The following TOGARAM2 variants were observed in gnomAD, a reference collection of about 807,000 sequenced individuals.
TOGARAM2 encodes TOG array regulator of axonemal microtubules 2, also known as TOG array regulator of axonemal microtubules protein 2.
A neutral mutation model predicts 93.3 loss-of-function variants in TOGARAM2; 85 were observed. That is an observed-to-expected ratio of 0.91 (90% CI 0.76 to 1.09). The LOEUF (loss-of-function observed/expected upper bound fraction) is 1.09. Ranked by LOEUF, TOGARAM2 falls within the 50% of genes least tolerant of loss-of-function variation. The pLI is 0.00. For synonymous variants in TOGARAM2, 593 were observed against 552.8 expected, an observed-to-expected ratio of 1.07 and a Z score of -1.02; for missense variants, 1,277 against 1,334.5, an observed-to-expected ratio of 0.96 and a Z score of 0.67.
chr2:29,032,829 G>T (rs1479328998), intron 14 of TOGARAM2, 105 bp from the exon 15 acceptor site: 8 of 883,852 alleles, frequency 9.1e-6, no homozygotes, highest in South Asian at 1.8e-5. Flanking sequence ...ATTAGAAAAA[G>T]TATTAAAAAC....
intron 1 of TOGARAM2, among the ~76,000 whole-genome samples, chr2:28,982,924 C>T (rs1672274048): frequency 6.6e-6 from 1 of 152,008 alleles, no homozygotes; most frequent in African/African-American, 2.4e-5. Context: ...GTTAATCATG[C>T]TACTAATTTT....
rs1210544923 is a variant in TOGARAM2, at chr2:29,022,959, T to C, written c.1512-127T>C. Reference sequence around the variant, plus strand: ...CCCGGGAAACCCTGCTCTGAGGCCATGGAATGGCACCCTGCTGCGGGTGAC... The same window carrying C: ...CCCGGGAAACCCTGCTCTGAGGCCACGGAATGGCACCCTGCTGCGGGTGAC... On this transcript the variant is annotated intron_variant, in intron 11 of 19. Transcript: ENST00000379558. 5 of 739,892 alleles carry C rather than the reference T, an allele frequency of 6.8e-6. No individual in the cohort carries two copies. The East Asian group carries it at 1.5e-4, about 21-fold the overall frequency. The allele number at this position is 739,892 out of a possible 1,614,324, so 45.8% of individuals were successfully genotyped here. A position where few individuals can be genotyped will look rare whatever the true frequency, so the allele number is the denominator to read the frequency against.
intron 19 of TOGARAM2, chr2:29,051,458 ATTC>A (rs966835256): frequency 1.7e-4 from 41 of 234,356 alleles, no homozygotes; most frequent in South Asian, 1.5e-4. Flanking sequence ...ATTGTCAGAG[ATTC>A]TGCATATTTC....
At chr2:29,005,990 T>TGC in intron 6 of TOGARAM2, among the ~76,000 whole-genome samples, 1 of 125,310 alleles carries the variant, frequency 8.0e-6, no homozygotes, top group Non-Finnish European at 1.8e-5. Flanking sequence ...TGAGTGCATG[T>TGC]GTAGGGTGTG....
chr2:28,997,010 G>T (rs569757055), intron 2 of TOGARAM2, among the ~76,000 whole-genome samples: 1 of 152,196 alleles, frequency 6.6e-6, no homozygotes, highest in Non-Finnish European at 1.5e-5. Context: ...TAATAAACAT[G>T]AGAGTGCAGA....
chr2:29,036,671 T>C lies in TOGARAM2; in HGVS notation c.2549T>C (p.Ile850Thr), dbSNP rs770652074. Reference sequence around the variant, plus strand: ...CACCCCATGCTGCTCTCCATCATCATCACTGTTGCAGACAACCTCAACTCC... The same window carrying C: ...CACCCCATGCTGCTCTCCATCATCACCACTGTTGCAGACAACCTCAACTCC... ...SLHPMLLSIIITVADNLNSKN... is the reference protein window; with the variant it reads ...SLHPMLLSIITTVADNLNSKN... The change falls in exon 18 of 20, where the codon ATC (isoleucine) becomes ACC (threonine). Residue 850 changes from isoleucine to threonine, a missense_variant. Physicochemically the swap from Ile to Thr is moderately conservative, Grantham distance 89. Transcript: ENST00000379558. The C allele has an allele frequency of 1.9e-6, 3 of 1,613,898 alleles. No individual in the cohort carries two copies. The highest frequency in any genetic ancestry group is 2.5e-6 in the Non-Finnish European group (3 of 1,179,896).
intron 12 of TOGARAM2, among the ~76,000 whole-genome samples, chr2:29,023,557 G>C (rs558685583): frequency 6.6e-6 from 1 of 152,304 alleles, no homozygotes; most frequent in Admixed American, 6.5e-5. Flanking sequence ...CTGTGGCTTG[G>C]TCTAGCTGGG....
chr2:29,010,161 G>C (rs537466899), intron 6 of TOGARAM2, among the ~76,000 whole-genome samples: 2 of 152,100 alleles, frequency 1.3e-5, no homozygotes, highest in African/African-American at 4.8e-5. Context: ...CAGGCAGCCT[G>C]GGACCTCCAT....
Position 29,024,338 on chromosome 2 carries a change from C to G in TOGARAM2, c.1817C>G (p.Ala606Gly), listed in dbSNP as rs1216517743. The G allele has an allele frequency of 6.2e-7, 1 of 1,611,562 alleles. No individual in the cohort carries two copies. Among genetic ancestry groups the G allele is most frequent in the Admixed American group, 1.7e-5 (1 of 59,702 alleles). ...LRAMVENVTLARSLVVLTSAG... is the reference protein window; with the variant it reads ...LRAMVENVTLGRSLVVLTSAG... ...GCTATGGTGGAGAATGTGACCCTTG[C>G]CCGCTCCCTGGTGGTCCTCACCTCG... Residue 606 changes from alanine (A) to glycine (G), a missense_variant, in exon 13 of 20, where the codon GCC (alanine) becomes GGC (glycine). By Grantham distance (60) the Ala-to-Gly change is moderately conservative. Coordinates refer to ENST00000379558, the MANE Select transcript of TOGARAM2 (RefSeq NM_199280.4).
At chr2:29,042,889 C>T (rs7590816) in intron 18 of TOGARAM2, among the ~76,000 whole-genome samples, 16,060 of 152,268 alleles carry the variant, frequency 0.11, 923 homozygotes, top group East Asian at 0.14. Context: ...TCCCATGTTA[C>T]GACTGTGATA....
At chr2:29,038,004 G>C (rs542175925) in intron 18 of TOGARAM2, among the ~76,000 whole-genome samples, 2 of 152,168 alleles carry the variant, frequency 1.3e-5, no homozygotes, top group Non-Finnish European at 2.9e-5. Flanking sequence ...TCCCCCTCCA[G>C]GTGTTTTAGT....
At chr2:28,990,989 A>AGGGT (rs1672698029) in intron 1 of TOGARAM2, among the ~76,000 whole-genome samples, 1 of 48,522 alleles carries the variant, frequency 2.1e-5, no homozygotes, top group Non-Finnish European at 3.9e-5. Context: ...GTGTGTGTGA[A>AGGGT]GGGTGTGTGT....
At chr2:28,999,102 C>T in intron 3 of TOGARAM2, 79 bp from the exon 4 acceptor site, 5 of 1,438,976 alleles carry the variant, frequency 3.5e-6, no homozygotes, top group South Asian at 1.4e-5. Context: ...TAGAAGGAAG[C>T]AATGTCAAGG....
chr2:28,994,402 T>C (rs976964252), intron 1 of TOGARAM2, among the ~76,000 whole-genome samples: 5 of 152,134 alleles, frequency 3.3e-5, no homozygotes, highest in African/African-American at 1.2e-4. Flanking sequence ...TTGAAACTGA[T>C]GGAGAAACAC....
At chr2:29,043,347 A>G (rs116160359) in intron 18 of TOGARAM2, among the ~76,000 whole-genome samples, 1 of 152,204 alleles carries the variant, frequency 6.6e-6, no homozygotes, top group Non-Finnish European at 1.5e-5. Context: ...GGAAGCAGGG[A>G]TGAGCTCTTA....
At chr2:29,008,600 A>AG (rs1664029455) in intron 6 of TOGARAM2, among the ~76,000 whole-genome samples, 2 of 152,098 alleles carry the variant, frequency 1.3e-5, no homozygotes, top group Non-Finnish European at 2.9e-5. Flanking sequence ...AGGATTACAG[A>AG]CATGCACCAC....
At chr2:28,966,235 C>T (rs1202405529) in intron 1 of TOGARAM2, among the ~76,000 whole-genome samples, 1 of 152,034 alleles carries the variant, frequency 6.6e-6, no homozygotes, top group African/African-American at 2.4e-5. Flanking sequence ...AGGTGATCCG[C>T]CTGCCTTGGT....
chr2:29,010,742 A>C (rs1466465081), intron 6 of TOGARAM2, among the ~76,000 whole-genome samples: 1 of 151,984 alleles, frequency 6.6e-6, no homozygotes. Flanking sequence ...GGGGAGTGTC[A>C]TGTCTTATTG....
At chr2:29,049,176 G>T (rs34941759) in intron 19 of TOGARAM2, 33,205 of 150,782 alleles carry the variant, frequency 0.22, 4,419 homozygotes, top group Middle Eastern at 0.38. Flanking sequence ...GATTTTTGTA[G>T]TTTTAGTAGA....
Sources: gnomAD v4.1 joint callset for allele counts (sites outside exome capture counted in the v4.1 genomes callset) on GRCh38, gnomAD v4.1.1 for gene constraint, MANE v1.5 for transcripts, NCBI Gene and HGNC (gene_info 2026-07-23, HGNC 2026-07-21) for gene names.